The following ANKFN1 variants were observed in gnomAD, a reference collection of about 807,000 sequenced individuals.
ANKFN1 encodes ankyrin repeat and fibronectin type-III domain-containing protein 1.
A neutral mutation model predicts 108.7 loss-of-function variants in ANKFN1; 74 were observed. The observed-to-expected ratio is 0.68, with a 90% CI of 0.56 to 0.83. ANKFN1 has a LOEUF of 0.83. ANKFN1 is among the 40% of genes least tolerant of loss of function. ANKFN1 has a pLI of 0.00. For missense variants in ANKFN1, 1,505 were observed against 1,382.3 expected, an observed-to-expected ratio of 1.09 and a Z score of -1.41; for synonymous variants, 547 against 516.2, an observed-to-expected ratio of 1.06 and a Z score of -0.81.
chr17:56,319,249 G>A (rs183303989), intron 3 of ANKFN1, among the ~76,000 whole-genome samples: 1 of 152,274 alleles, frequency 6.6e-6, no homozygotes, highest in African/African-American at 2.4e-5. Context: ...TTGATGGGTA[G>A]CTGTACACAT....
chr17:56,059,436 T>C (rs975766423), intron 4 of ANKFN1, among the ~76,000 whole-genome samples: 1 of 152,236 alleles, frequency 6.6e-6, no homozygotes, highest in Admixed American at 6.5e-5. Flanking sequence ...TTTAGTTTAA[T>C]TAGATCCCAT....
At chr17:56,252,463 A>G (rs1001415548) in intron 3 of ANKFN1, among the ~76,000 whole-genome samples, 1 of 152,234 alleles carries the variant, frequency 6.6e-6, no homozygotes, top group African/African-American at 2.4e-5. Flanking sequence ...AAATACTTAC[A>G]GTGTAATATG....
Position 56,514,091 on chromosome 17 carries a change from G to A in ANKFN1, c.*2822G>A, listed in dbSNP as rs1425137032. Among the ~76,000 whole-genome samples, 1 of 152,124 alleles carries A rather than the reference G, an allele frequency of 6.6e-6. No individual in the cohort carries two copies. Among genetic ancestry groups the A allele is most frequent in the Non-Finnish European group, 1.5e-5 (1 of 68,010 alleles). The stretch of plus-strand genomic sequence containing the variant: ...GTTTTGTTTAATTTTGGATACAATG[G>A]ATTTTTGTCTTTCACTCTTTTTTTA... On this transcript the variant is annotated 3_prime_UTR_variant, in exon 21 of 21. Coordinates refer to ENST00000682825, the MANE Select transcript of ANKFN1 (RefSeq NM_001370326.1).
In ANKFN1 at chr17:56,440,357, C is replaced by T; in HGVS notation, c.941C>T (p.Pro314Leu). The T allele has an allele frequency of 1.2e-6, 2 of 1,612,726 alleles. No individual in the cohort carries two copies. Among genetic ancestry groups the T allele is most frequent in the Non-Finnish European group, 1.7e-6 (2 of 1,179,126 alleles). The part of the protein sequence containing the change: ...VEWSMSEDFS[P>L]LAGEIIMDNL... The stretch of plus-strand genomic sequence containing the variant: ...TGGAGTATGTCCGAAGACTTTTCTC[C>T]TTTGGCTGGAGAAATCATCATGGAT... The change falls in exon 9 of 21, where the codon CCT becomes CTT. Residue 314 changes from proline to leucine, a missense_variant. Pro to Leu is a moderately conservative substitution (Grantham distance 98). Coordinates refer to ENST00000682825, the MANE Select transcript of ANKFN1 (RefSeq NM_001370326.1).
chr17:56,409,117 G>A (rs542461302), intron 8 of ANKFN1, among the ~76,000 whole-genome samples: 3 of 152,076 alleles, frequency 2.0e-5, no homozygotes, highest in African/African-American at 7.2e-5. Flanking sequence ...TAAAGACGGG[G>A]TTTCACCATA....
Position 56,235,117 on chromosome 17 carries a change from T to C in ANKFN1, c.53+7160T>C, listed in dbSNP as rs1192931888. ...TCTAATGTTCGGTGATATTTGACTT[T>C]TTTTCATATGCCTGTCAGCCACATG... is the stretch of plus-strand genomic sequence containing the variant. On this transcript the variant is annotated intron_variant, in intron 3 of 20. Transcript: ENST00000682825. Among the ~76,000 whole-genome samples the C allele has an allele frequency of 2.0e-5, 3 of 152,208 alleles. No individual in the cohort carries two copies. In the East Asian group the frequency reaches 5.8e-4, roughly 29 times the overall value.
chr17:56,262,392 A>G (rs991694430), intron 3 of ANKFN1, among the ~76,000 whole-genome samples: 3 of 152,236 alleles, frequency 2.0e-5, no homozygotes, highest in African/African-American at 4.8e-5. Context: ...AAAATTAAGT[A>G]TATGTCGTCA....
Position 56,104,824 on chromosome 17 carries a change from G to T in ANKFN1, c.288+58499G>T, listed in dbSNP as rs1427174399. On this transcript the variant is annotated intron_variant, in intron 4 of 12. Coordinates refer to the ANKFN1 transcript ENST00000635860. ...TAGTATTGTAAATCTTTGCACAATGGTGTTTCAGGATTCTAGAGTCCTTGA... is the reference window on the plus strand; with the variant it reads ...TAGTATTGTAAATCTTTGCACAATGTTGTTTCAGGATTCTAGAGTCCTTGA... 3.9e-5 allele frequency among the ~76,000 whole-genome samples: 6 copies of T among 152,172 alleles called. No homozygotes were observed. In the East Asian group the frequency reaches 1.2e-3, roughly 29 times the overall value.
upstream of ANKFN1, among the ~76,000 whole-genome samples, chr17:56,149,168 G>A (rs1194775544): frequency 6.6e-6 from 1 of 152,100 alleles, no homozygotes; most frequent in Non-Finnish European, 1.5e-5. Context: ...GGTCATGTTT[G>A]TGTATTTTAA....
intron 3 of ANKFN1, among the ~76,000 whole-genome samples, chr17:56,305,985 G>T (rs1426663036): frequency 1.3e-5 from 2 of 152,028 alleles, no homozygotes; most frequent in African/African-American, 4.8e-5. Context: ...GTTAGTTTCT[G>T]GATTCTCTGT....
At chr17:56,198,499 C>T (rs1275684594) in intron 1 of ANKFN1, among the ~76,000 whole-genome samples, 4 of 152,152 alleles carry the variant, frequency 2.6e-5, no homozygotes, top group Admixed American at 6.5e-5. Context: ...CACCTCCTGC[C>T]GTGTGGCCCC....
At chr17:56,403,625 G>T (rs1433040623) in intron 8 of ANKFN1, among the ~76,000 whole-genome samples, 2 of 152,128 alleles carry the variant, frequency 1.3e-5, no homozygotes, top group African/African-American at 4.8e-5. Context: ...CTTTTAAGTG[G>T]AGCATTTAGG....
At chr17:56,272,109 T>C (rs2043809075) in intron 3 of ANKFN1, among the ~76,000 whole-genome samples, 1 of 152,192 alleles carries the variant, frequency 6.6e-6, no homozygotes, top group African/African-American at 2.4e-5. Flanking sequence ...AATTAACCAA[T>C]CCAAAAATTG....
intron 4 of ANKFN1, among the ~76,000 whole-genome samples, chr17:56,347,561 G>A (rs1295819012): frequency 6.6e-6 from 1 of 151,932 alleles, no homozygotes; most frequent in Non-Finnish European, 1.5e-5. Flanking sequence ...TTCCATAAGG[G>A]TAAAAATTTA....
At chr17:56,376,475 C>T (rs1031177999) in intron 8 of ANKFN1, among the ~76,000 whole-genome samples, 1 of 152,184 alleles carries the variant, frequency 6.6e-6, no homozygotes, top group African/African-American at 2.4e-5. Flanking sequence ...GACTGAAATT[C>T]AGAGCAAGCA....
At chr17:56,158,740 C>T (rs1486607862) in intron 1 of ANKFN1, among the ~76,000 whole-genome samples, 1 of 152,034 alleles carries the variant, frequency 6.6e-6, no homozygotes, top group Non-Finnish European at 1.5e-5. Flanking sequence ...TTTACTGAGG[C>T]TAAAATTGCT....
intron 4 of ANKFN1, among the ~76,000 whole-genome samples, chr17:56,100,799 T>C (rs1905631981): frequency 6.6e-6 from 1 of 152,218 alleles, no homozygotes; most frequent in South Asian, 2.1e-4. Context: ...AAATTTAGGA[T>C]GTAGTGAATT....
chr17:56,153,233 C>T (rs577844700), upstream of ANKFN1, among the ~76,000 whole-genome samples: 1 of 152,324 alleles, frequency 6.6e-6, no homozygotes, highest in South Asian at 2.1e-4. Flanking sequence ...CCCTCCCCAC[C>T]GGGCACCTCC....
chr17:56,362,589 G>A (rs777698204), intron 6 of ANKFN1, among the ~76,000 whole-genome samples: 2 of 152,054 alleles, frequency 1.3e-5, no homozygotes, highest in African/African-American at 2.4e-5. Context: ...TACCATATAC[G>A]AAAACCAACT....
Sources: allele counts gnomAD v4.1 joint callset (sites outside exome capture counted in the v4.1 genomes callset), GRCh38; gene constraint gnomAD v4.1.1; transcripts MANE v1.5; gene names NCBI Gene and HGNC (gene_info 2026-07-23, HGNC 2026-07-21).